MAGI2: variants seen among roughly 807,000 people sequenced by gnomAD.
The protein encoded by MAGI2 is membrane-associated guanylate kinase, WW and PDZ domain-containing protein 2.
Under a neutral mutation model 133.3 loss-of-function variants are expected in MAGI2, and 35 were observed. That is an observed-to-expected ratio of 0.26 (90% confidence interval 0.20 to 0.35). The LOEUF is 0.35. Ranked by LOEUF, MAGI2 falls within the 10% of genes least tolerant of loss-of-function variation. The pLI is 1.00. For missense variants in MAGI2, 1,636 were observed against 1,863.4 expected, an observed-to-expected ratio of 0.88 and a Z score of 2.25; for synonymous variants, 729 against 710.6, an observed-to-expected ratio of 1.03 and a Z score of -0.41.
intron 2 of MAGI2, among the ~76,000 whole-genome samples, chr7:78,862,156 A>G (rs942902021): frequency 1.2e-4 from 19 of 152,192 alleles, no homozygotes; most frequent in African/African-American, 4.3e-4. Context: ...CCTGAACTTA[A>G]TTGTAAATTC....
chr7:78,450,308 C>A (rs1449589144), intron 6 of MAGI2, among the ~76,000 whole-genome samples: 5 of 151,996 alleles, frequency 3.3e-5, no homozygotes, highest in African/African-American at 1.2e-4. Flanking sequence ...AGGATATATT[C>A]TTTTGAATTA....
chr7:79,015,329 G>A (rs181031942), intron 1 of MAGI2, among the ~76,000 whole-genome samples: 80 of 116,490 alleles, frequency 6.9e-4, no homozygotes, highest in African/African-American at 2.4e-3. Flanking sequence ...TAAAAGCCAG[G>A]TCAGTCCTCT....
intron 2 of MAGI2, among the ~76,000 whole-genome samples, chr7:78,755,174 G>A (rs1585302241): frequency 2.0e-5 from 3 of 152,174 alleles, no homozygotes; most frequent in South Asian, 4.1e-4. Context: ...TTATCAGAAC[G>A]GGAGAGACAC....
At chr7:78,925,790 T>C (rs552444364) in intron 2 of MAGI2, among the ~76,000 whole-genome samples, 1 of 152,138 alleles carries the variant, frequency 6.6e-6, no homozygotes, top group East Asian at 1.9e-4. Flanking sequence ...TTAAATAAAT[T>C]AGTAAATATT....
chr7:79,272,939 C>G (rs1402629579), intron 1 of MAGI2, among the ~76,000 whole-genome samples: 11 of 152,056 alleles, frequency 7.2e-5, no homozygotes, highest in Admixed American at 7.2e-4. Context: ...AAGAAAGATA[C>G]TCAGTAGCAC....
At chr7:78,480,648 A>C (rs1792268109) in intron 6 of MAGI2, among the ~76,000 whole-genome samples, 1 of 152,084 alleles carries the variant, frequency 6.6e-6, no homozygotes, top group Non-Finnish European at 1.5e-5. Flanking sequence ...TGATTATATC[A>C]GTTGAAAATA....
At chr7:79,130,050 C>G (rs1446535020) in intron 1 of MAGI2, among the ~76,000 whole-genome samples, 1 of 151,580 alleles carries the variant, frequency 6.6e-6, no homozygotes, top group African/African-American at 2.4e-5. Flanking sequence ...CTTGTAATCT[C>G]AGCACTTCGG....
intron 2 of MAGI2, among the ~76,000 whole-genome samples, chr7:78,750,342 A>G (rs1329437708): frequency 6.6e-6 from 1 of 152,146 alleles, no homozygotes; most frequent in Non-Finnish European, 1.5e-5. Flanking sequence ...CAATAAACAT[A>G]TGTGTGTACG....
intron 2 of MAGI2, among the ~76,000 whole-genome samples, chr7:78,921,487 C>G (rs533327979): frequency 6.6e-6 from 1 of 152,140 alleles, no homozygotes; most frequent in Admixed American, 6.6e-5. Flanking sequence ...ATATAAGTGG[C>G]CTTTGTGAAT....
intron 2 of MAGI2, among the ~76,000 whole-genome samples, chr7:78,897,589 G>A (rs1318348134): frequency 1.3e-5 from 2 of 152,068 alleles, no homozygotes; most frequent in Non-Finnish European, 2.9e-5. Context: ...TGTTCATTTT[G>A]CTTAGGATTG....
intron 1 of MAGI2, among the ~76,000 whole-genome samples, chr7:79,243,574 A>C (rs1015769062): frequency 1.3e-5 from 2 of 152,186 alleles, no homozygotes; most frequent in Non-Finnish European, 2.9e-5. Flanking sequence ...TCAAACTTTT[A>C]AAATGCTGGA....
intron 1 of MAGI2, among the ~76,000 whole-genome samples, chr7:79,285,526 T>C (rs1835937085): frequency 6.6e-6 from 1 of 152,162 alleles, no homozygotes; most frequent in Non-Finnish European, 1.5e-5. Context: ...TCTGCCAGTG[T>C]ATTGCTTTAG....
At chr7:78,437,528 T>C (rs1800416004) in intron 6 of MAGI2, among the ~76,000 whole-genome samples, 1 of 152,190 alleles carries the variant, frequency 6.6e-6, no homozygotes, top group African/African-American at 2.4e-5. Context: ...TGGGCCTTGG[T>C]ATTTCATTCA....
chr7:79,155,233 T>G (rs942142234), intron 1 of MAGI2, among the ~76,000 whole-genome samples: 1 of 151,816 alleles, frequency 6.6e-6, no homozygotes, highest in Non-Finnish European at 1.5e-5. Flanking sequence ...ATTGAGATGA[T>G]CAATGTTTTA....
intron 1 of MAGI2, among the ~76,000 whole-genome samples, chr7:79,205,654 A>G (rs1486110798): frequency 6.6e-6 from 1 of 151,970 alleles, no homozygotes; most frequent in Non-Finnish European, 1.5e-5. Flanking sequence ...ATTAAAAAAA[A>G]GACTACAATA....
chr7:78,855,305 G>A (rs941387481), intron 2 of MAGI2, among the ~76,000 whole-genome samples: 2 of 152,020 alleles, frequency 1.3e-5, no homozygotes, highest in East Asian at 3.9e-4. Flanking sequence ...TGCACAACTT[G>A]CAGGTTTGTA....
intron 10 of MAGI2, among the ~76,000 whole-genome samples, chr7:78,216,256 C>T (rs1489677142): frequency 1.3e-5 from 2 of 152,238 alleles, no homozygotes; most frequent in African/African-American, 2.4e-5. Context: ...CCTCAATTCT[C>T]ATGTCCCATG....
chr7:78,460,126 A>C (rs1282746721), intron 6 of MAGI2, among the ~76,000 whole-genome samples: 2 of 152,222 alleles, frequency 1.3e-5, no homozygotes, highest in Non-Finnish European at 2.9e-5. Context: ...ATATGGCATC[A>C]TGTGATCATA....
At chr7:79,382,584 C>G (rs1419613309) in intron 1 of MAGI2, among the ~76,000 whole-genome samples, 3 of 151,420 alleles carry the variant, frequency 2.0e-5, no homozygotes, top group African/African-American at 7.3e-5. Context: ...TTCCCATTTG[C>G]ATAAGGGGAA....
Sources: gnomAD v4.1 joint callset for allele counts (sites outside exome capture counted in the v4.1 genomes callset) on GRCh38, gnomAD v4.1.1 for gene constraint, MANE v1.5 for transcripts, NCBI Gene and HGNC (gene_info 2026-07-23, HGNC 2026-07-21) for gene names.